MTMR7: variants seen among roughly 807,000 people sequenced by gnomAD.
The protein encoded by MTMR7 is myotubularin related protein 7, also known as phosphatidylinositol-3-phosphate phosphatase MTMR7.
A neutral mutation model predicts 81.2 loss-of-function variants in MTMR7; 76 were observed. The ratio of observed to expected loss-of-function variants is 0.94; its 90% CI spans 0.78 to 1.13. The LOEUF (loss-of-function observed/expected upper bound fraction) is 1.13. Ranked by LOEUF, MTMR7 falls within the 50% of genes most tolerant of loss-of-function variation. The pLI is 0.00. For missense variants in MTMR7, 1,044 were observed against 820.0 expected (o/e 1.27, Z -3.34); for synonymous variants, 372 against 289.8 (o/e 1.28, Z -2.88).
In MTMR7 at chr8:17,367,174, T is replaced by A. The variant is rs118077701; in HGVS notation, c.310+3863A>T. ...TACCAATAAAGCAAATGAGACTACT[T>A]CAATCATGAGATTTTTTCTAAAATA... On this transcript the variant is annotated intron_variant, in intron 3 of 13. Coordinates refer to ENST00000180173, the MANE Select transcript of MTMR7 (RefSeq NM_004686.5). 2.6e-5 allele frequency among the ~76,000 whole-genome samples: 4 copies of A among 152,220 alleles called. No individual in the cohort carries two copies. The East Asian group carries it at 5.8e-4, about 22-fold the overall frequency.
chr8:17,391,567 C>T (rs1821110105), intron 1 of MTMR7, among the ~76,000 whole-genome samples: 2 of 152,112 alleles, frequency 1.3e-5, no homozygotes, highest in African/African-American at 4.8e-5. Context: ...TCAATAGGGT[C>T]TTTAAATGTA....
rs938923439 is a variant in MTMR7, at chr8:17,371,304, A to C, written c.148-105T>G. 14 of 1,300,244 alleles carry C rather than the reference A, an allele frequency of 1.1e-5. No individual in the cohort carries two copies. The African/African-American group carries it at 2.1e-4, about 19-fold the overall frequency. The allele number at this position is 1,300,244 out of a possible 1,614,324, so 80.5% of individuals were successfully genotyped here. ...CAAAGAAAGACAAGAAACGCTCCCCAACCTCCAGCTAGCTCAACCCTTGCG... is the reference window on the plus strand; with the variant it reads ...CAAAGAAAGACAAGAAACGCTCCCCCACCTCCAGCTAGCTCAACCCTTGCG... On this transcript the variant is annotated intron_variant, in intron 2 of 13. Transcript: ENST00000180173.
At chr8:17,402,623 T>C (rs976222860) in intron 1 of MTMR7, among the ~76,000 whole-genome samples, 1 of 152,222 alleles carries the variant, frequency 6.6e-6, no homozygotes, top group Non-Finnish European at 1.5e-5. Flanking sequence ...TAGTACTCCA[T>C]TGTATATATG....
Position 17,304,897 on chromosome 8 carries a change from C to G in MTMR7, c.1353-378G>C, listed in dbSNP as rs578073333. Reference sequence around the variant, plus strand: ...CTCACTGAGTTGCTGTGAGCTCTGTCTAATTTACAGATGAAGAAACTGAGG... The same window carrying G: ...CTCACTGAGTTGCTGTGAGCTCTGTGTAATTTACAGATGAAGAAACTGAGG... On this transcript the variant is annotated intron_variant, in intron 11 of 13. Transcript: ENST00000180173. Among the ~76,000 whole-genome samples, 4 of 152,186 alleles carry G rather than the reference C, an allele frequency of 2.6e-5. No individual in the cohort carries two copies. In the East Asian group the frequency reaches 7.8e-4, roughly 29 times the overall value.
intron 7 of MTMR7, among the ~76,000 whole-genome samples, chr8:17,325,226 C>T (rs1563333988): frequency 6.6e-6 from 1 of 152,060 alleles, no homozygotes; most frequent in Non-Finnish European, 1.5e-5. Context: ...GCCTCCAAGG[C>T]ACCTTGGCAG....
In MTMR7 at chr8:17,304,401, T is replaced by G. The variant is rs761114661; in HGVS notation, c.1471A>C (p.Thr491Pro). Residue 491 changes from threonine (T) to proline (P), a missense_variant, in exon 12 of 14, where the codon ACA becomes CCA. Transcript: ENST00000180173. ...QTQGTLHLPT[T>P]PCNFMYKFWS... ...TACTTGTACATGAAGTTACATGGTGTTGTAGGGAGATGAAGGGTTCCCTGA... is the reference window on the plus strand; with the variant it reads ...TACTTGTACATGAAGTTACATGGTGGTGTAGGGAGATGAAGGGTTCCCTGA... 6.2e-7 allele frequency: 1 copy of G among 1,613,832 alleles called. No homozygotes were observed. The highest frequency in any genetic ancestry group is 1.1e-5 in the South Asian group (1 of 91,060).
chr8:17,305,152 G>C (rs935467168), intron 11 of MTMR7, among the ~76,000 whole-genome samples: 1 of 152,084 alleles, frequency 6.6e-6, no homozygotes, highest in Non-Finnish European at 1.5e-5. Flanking sequence ...TTCTTTATGA[G>C]TCCATTTCAT....
chr8:17,380,754 T>C (rs144647545), intron 1 of MTMR7, among the ~76,000 whole-genome samples: 92 of 152,344 alleles, frequency 6.0e-4, no homozygotes, highest in African/African-American at 2.0e-3. Flanking sequence ...GAGGTCATTG[T>C]AGAATTGTTA....
At chr8:17,405,714 G>A (rs911977875) in intron 1 of MTMR7, among the ~76,000 whole-genome samples, 1 of 151,798 alleles carries the variant, frequency 6.6e-6, no homozygotes, top group Non-Finnish European at 1.5e-5. Context: ...ACTAAATAAT[G>A]TATGGTCATC....
At chr8:17,387,904 G>C (rs186407603) in intron 1 of MTMR7, among the ~76,000 whole-genome samples, 1 of 152,220 alleles carries the variant, frequency 6.6e-6, no homozygotes, top group East Asian at 1.9e-4. Flanking sequence ...AGGTTGTTGA[G>C]TTCCATCTAC....
chr8:17,306,955 A>G (rs963018798), intron 10 of MTMR7, among the ~76,000 whole-genome samples: 17 of 152,316 alleles, frequency 1.1e-4, no homozygotes, highest in Admixed American at 5.9e-4. Flanking sequence ...AACCTAGGCA[A>G]TACCATTCAG....
At chr8:17,406,469 A>C (rs1304936453) in intron 1 of MTMR7, among the ~76,000 whole-genome samples, 1 of 152,198 alleles carries the variant, frequency 6.6e-6, no homozygotes, top group African/African-American at 2.4e-5. Flanking sequence ...TGAATGGCTA[A>C]AATAAAAAAC....
At chr8:17,365,617 G>C (rs1036559526) in intron 3 of MTMR7, among the ~76,000 whole-genome samples, 20 of 152,096 alleles carry the variant, frequency 1.3e-4, no homozygotes, top group African/African-American at 4.8e-4. Context: ...CACCCTAAGG[G>C]GCCCCATTAC....
intron 12 of MTMR7, among the ~76,000 whole-genome samples, chr8:17,303,414 C>T (rs187009993): frequency 2.6e-5 from 4 of 152,044 alleles, no homozygotes; most frequent in African/African-American, 4.8e-5. Flanking sequence ...AAGTCTGTGT[C>T]GGGAGTGAGT....
chr8:17,334,687 C>A (rs1382246039), intron 6 of MTMR7, among the ~76,000 whole-genome samples: 2 of 152,198 alleles, frequency 1.3e-5, no homozygotes, highest in African/African-American at 4.8e-5. Context: ...GTTCCTGTTG[C>A]CTTCAGCTTA....
intron 4 of MTMR7, among the ~76,000 whole-genome samples, chr8:17,350,573 G>A (rs373572289): frequency 3.5e-4 from 54 of 152,270 alleles, no homozygotes; most frequent in African/African-American, 1.3e-3. Flanking sequence ...TACGATCTAA[G>A]ATGAGATTTG....
rs750764387 is a variant in MTMR7, at chr8:17,331,190, G to A, written c.825C>T (p.Asn275=). The A allele has an allele frequency of 4.3e-6, 7 of 1,612,812 alleles. No homozygotes were observed. Among genetic ancestry groups the A allele is most frequent in the Non-Finnish European group, 5.9e-6 (7 of 1,179,612 alleles). Residue 275 remains asparagine, a synonymous_variant, in exon 7 of 14, where the codon AAC becomes AAT. Coordinates refer to ENST00000180173, the MANE Select transcript of MTMR7 (RefSeq NM_004686.5). ...GCAGACTGTTCCTCATGACATGGATGTTCTCTATCCCGATAAACTGAAACT... is the reference window on the plus strand; with the variant it reads ...GCAGACTGTTCCTCATGACATGGATATTCTCTATCCCGATAAACTGAAACT... ...NIKFQFIGIE[N]IHVMRNSLQK...
intron 1 of MTMR7, among the ~76,000 whole-genome samples, chr8:17,390,851 C>G: frequency 6.6e-6 from 1 of 152,272 alleles, no homozygotes; most frequent in South Asian, 2.1e-4. Flanking sequence ...GGAAACCACC[C>G]CTGTGATCCA....
chr8:17,349,021 C>G lies in MTMR7; in HGVS notation c.529G>C (p.Val177Leu), dbSNP rs750330517. The G allele has an allele frequency of 1.2e-6, 2 of 1,613,180 alleles. No individual in the cohort carries two copies. The highest frequency in any genetic ancestry group is 4.5e-5 in the East Asian group (2 of 44,854). The change falls in exon 5 of 14, where the codon GTG (valine) becomes CTG (leucine). Residue 177 changes from valine to leucine, a missense_variant. Transcript: ENST00000180173. ...VPKSATAHII[V>L]GSSKFRSRRR... ...CTACTCCGGAATTTGGAACTCCCCA[C>G]TATGATGTGTGCCGTGGCCGATTTG...
Sources: gnomAD v4.1 joint callset for allele counts (sites outside exome capture counted in the v4.1 genomes callset) on GRCh38, gnomAD v4.1.1 for gene constraint, MANE v1.5 for transcripts, NCBI Gene and HGNC (gene_info 2026-07-23, HGNC 2026-07-21) for gene names.